Variants in CDH23 observed in about 807,000 individuals in gnomAD.
CDH23 encodes cadherin-23.
CDH23 carries 189 observed loss-of-function variants against 317.1 expected under a neutral mutation model. That is an observed-to-expected ratio of 0.60 (90% CI 0.53 to 0.67). The LOEUF (loss-of-function observed/expected upper bound fraction) is 0.67, where lower values mean the gene tolerates loss of function less well. Among genes scored for constraint, CDH23 ranks in the 30% least tolerant of loss-of-function variants. The pLI, the probability that CDH23 is intolerant of heterozygous loss-of-function variation, is 0.00. For missense variants in CDH23, 4,401 were observed against 4,592.4 expected (o/e 0.96, Z 1.20); for synonymous variants, 1,839 against 1,876.8 (o/e 0.98, Z 0.52).
At chr10:71,471,464 G>A (rs368372788) in intron 3 of CDH23, among the ~76,000 whole-genome samples, 2 of 152,054 alleles carry the variant, frequency 1.3e-5, no homozygotes, top group East Asian at 1.9e-4. Flanking sequence ...TCCCAGGCAC[G>A]CACCCTCTGC....
intron 8 of CDH23, among the ~76,000 whole-genome samples, chr10:71,572,636 C>T: frequency 6.6e-6 from 1 of 152,082 alleles, no homozygotes; most frequent in Non-Finnish European, 1.5e-5. Context: ...CCAAAGTCCA[C>T]CCACCCATTT....
intron 6 of CDH23, among the ~76,000 whole-genome samples, chr10:71,526,962 G>A (rs530327129): frequency 3.3e-5 from 5 of 152,268 alleles, no homozygotes; most frequent in Admixed American, 6.5e-5. Flanking sequence ...AGTGTCGGGC[G>A]CATGTGGCCG....
intron 17 of CDH23, among the ~76,000 whole-genome samples, chr10:71,681,013 G>A (rs939150577): frequency 6.6e-6 from 1 of 151,226 alleles, no homozygotes; most frequent in African/African-American, 2.4e-5. Context: ...TTCTAGTAGA[G>A]ATGGGGTTTT....
Position 71,778,289 on chromosome 10 carries a change from G to A in CDH23, c.5168G>A (p.Arg1723His), listed in dbSNP as rs189361642. Reference sequence around the variant, plus strand: ...GACCAGTGCCCCATCTTATCCCACCGCCTCACCTCTACCACCACGGTGGGT... The same window carrying A: ...GACCAGTGCCCCATCTTATCCCACCACCTCACCTCTACCACCACGGTGGGT... ...ATDQCPILSH[R>H]LTSTTTVLVN... The change falls in exon 40 of 70, where the codon CGC becomes CAC. Residue 1723 changes from arginine to histidine, a missense_variant. Around this residue, in one of 3 missense-constraint regions of CDH23, gnomAD observed 3,068 missense variants for 3,203.3 expected, o/e 0.96. Transcript: ENST00000224721. 54 of 1,613,874 alleles carry A rather than the reference G, an allele frequency of 3.3e-5. No individual in the cohort carries two copies. Among genetic ancestry groups the A allele is most frequent in the African/African-American group, 8.0e-5 (6 of 74,992 alleles).
At chr10:71,471,183 A>C (rs1038282893) in intron 3 of CDH23, among the ~76,000 whole-genome samples, 15 of 152,220 alleles carry the variant, frequency 9.9e-5, no homozygotes, top group African/African-American at 3.6e-4. Flanking sequence ...TCTTGACCGC[A>C]GTCCCTGGCT....
intron 1 of CDH23, among the ~76,000 whole-genome samples, chr10:71,435,763 G>A (rs1849588262): frequency 6.6e-6 from 1 of 152,218 alleles, no homozygotes; most frequent in South Asian, 2.1e-4. Context: ...GAAGTGAGGA[G>A]GCCAGGAGGC....
intron 26 of CDH23, among the ~76,000 whole-genome samples, chr10:71,707,692 C>T (rs914032311): frequency 9.2e-5 from 14 of 152,140 alleles, no homozygotes; most frequent in Non-Finnish European, 1.9e-4. Context: ...TTAGCCTCCC[C>T]GACACACGAG....
intron 31 of CDH23, 86 bp downstream of exon 31, chr10:71,730,690 C>A: frequency 6.4e-7 from 1 of 1,558,044 alleles, no homozygotes; most frequent in Non-Finnish European, 8.7e-7. Context: ...AAACGGTCAT[C>A]CCTGATGCTT....
At chr10:71,552,524 GA>G (rs1000219335) in intron 6 of CDH23, among the ~76,000 whole-genome samples, 164 of 151,910 alleles carry the variant, frequency 1.1e-3, no homozygotes, top group African/African-American at 3.7e-3. Context: ...GTGAGGCTCA[GA>G]AAAAAAACAG....
intron 16 of CDH23, among the ~76,000 whole-genome samples, chr10:71,678,554 A>G (rs1054207344): frequency 1.3e-5 from 2 of 152,182 alleles, no homozygotes; most frequent in Non-Finnish European, 2.9e-5. Flanking sequence ...CAAGGCTGGA[A>G]GGGTGAGCAC....
chr10:71,814,821 AAC>A (rs1411585111), intron 69 of CDH23, 129 bp from the exon 70 acceptor site: 118 of 1,084,630 alleles, frequency 1.1e-4, no homozygotes, highest in Non-Finnish European at 1.4e-4. Flanking sequence ...CAGTTTGAGA[AAC>A]AGAGTCTGAC....
At chr10:71,810,429 C>T in intron 61 of CDH23, 43 bp from the exon 62 acceptor site, 1 of 1,583,764 alleles carries the variant, frequency 6.3e-7, no homozygotes, top group Non-Finnish European at 8.7e-7. Context: ...CCTGTGGCCC[C>T]CTGCTGTGGT....
chr10:71,769,895 G>T (rs1221273358), intron 38 of CDH23, among the ~76,000 whole-genome samples: 1 of 152,222 alleles, frequency 6.6e-6, no homozygotes, highest in Non-Finnish European at 1.5e-5. Context: ...ATGTAAGAAA[G>T]ATCCACCAAG....
intron 11 of CDH23, among the ~76,000 whole-genome samples, chr10:71,635,514 G>A (rs934255334): frequency 2.6e-5 from 4 of 152,170 alleles, no homozygotes; most frequent in Admixed American, 2.0e-4. Flanking sequence ...TAAGCTGAAG[G>A]CGAGGCAGCC....
chr10:71,538,033 C>T (rs1380624657), intron 6 of CDH23, among the ~76,000 whole-genome samples: 11 of 152,134 alleles, frequency 7.2e-5, no homozygotes, highest in Admixed American at 7.2e-4. Flanking sequence ...CTGTCCACAT[C>T]ACTGAGTCCA....
At chr10:71,466,900 G>A (rs10999829) in intron 3 of CDH23, among the ~76,000 whole-genome samples, 25,567 of 152,102 alleles carry the variant, frequency 0.17, 3,126 homozygotes, top group African/African-American at 0.34. Context: ...GTGTGCACGT[G>A]CATATATCTG....
intron 9 of CDH23, among the ~76,000 whole-genome samples, chr10:71,585,874 C>T (rs996148162): frequency 3.3e-5 from 5 of 152,226 alleles, no homozygotes; most frequent in Non-Finnish European, 7.3e-5. Flanking sequence ...CAGTGGCTTG[C>T]CCCTTGCTTC....
chr10:71,619,324 CA>C (rs34480320), intron 11 of CDH23, among the ~76,000 whole-genome samples: 1,252 of 117,578 alleles, frequency 0.011, 15 homozygotes, highest in African/African-American at 0.033. Context: ...GACCCTGTCT[CA>C]AAAAAAAAAA....
chr10:71,812,516 C>A lies in CDH23; in HGVS notation c.9417C>A (p.Asn3139Lys). ...NPVWLDPFCR[N>K]LELAAQAEHE... is the part of the protein sequence containing the mutation. ...TGTGGCTGGATCCCTTCTGTCGGAACCTGGAGCTGGCCGCCCAGGCGGAGC... is the reference window on the plus strand; with the variant it reads ...TGTGGCTGGATCCCTTCTGTCGGAAACTGGAGCTGGCCGCCCAGGCGGAGC... The change falls in exon 67 of 70, where the codon AAC becomes AAA. Residue 3139 changes from asparagine to lysine, a missense_variant. Asn to Lys is a moderately conservative substitution (Grantham distance 94). Coordinates refer to ENST00000224721, the MANE Select transcript of CDH23 (RefSeq NM_022124.6). The A allele has an allele frequency of 6.7e-7, 1 of 1,494,210 alleles. No homozygotes were observed. Among genetic ancestry groups the A allele is most frequent in the South Asian group, 1.1e-5 (1 of 89,548 alleles). 92.6% of individuals were successfully genotyped at this position (1,494,210 alleles called of 1,614,324 possible). A position where few individuals can be genotyped will look rare whatever the true frequency, so the allele number is the denominator to read the frequency against.
Sources: allele counts gnomAD v4.1 joint callset (sites outside exome capture counted in the v4.1 genomes callset), GRCh38; gene constraint gnomAD v4.1.1; regional missense constraint gnomAD v4.1.1; transcripts MANE v1.5; gene names NCBI Gene and HGNC (gene_info 2026-07-23, HGNC 2026-07-21).